Variants in CSMD3 observed in about 807,000 individuals in gnomAD.
CSMD3 encodes CUB and Sushi multiple domains 3.
Under a neutral mutation model 435.2 loss-of-function variants are expected in CSMD3, and 177 were observed. The observed-to-expected ratio is 0.41, with a 90% CI of 0.36 to 0.46. CSMD3 has a LOEUF of 0.46. Ranked by LOEUF, CSMD3 falls within the 20% of genes least tolerant of loss-of-function variation. The pLI, the probability that CSMD3 is intolerant of heterozygous loss-of-function variation, is 0.34. For missense variants in CSMD3, 4,265 were observed against 4,504.6 expected (o/e 0.95, Z 1.52); for synonymous variants, 1,656 against 1,520.5 (o/e 1.09, Z -2.07).
chr8:112,263,576 C>T (rs2130377921), intron 61 of CSMD3, 63 bp downstream of exon 61: 1 of 1,351,322 alleles, frequency 7.4e-7, no homozygotes, highest in Non-Finnish European at 1.0e-6. Flanking sequence ...TTAACAATCT[C>T]ATATTTGGTC....
chr8:112,593,740 A>T (rs1381792259), intron 22 of CSMD3, among the ~76,000 whole-genome samples: 1 of 152,188 alleles, frequency 6.6e-6, no homozygotes, highest in Non-Finnish European at 1.5e-5. Flanking sequence ...AGTAAAGAGA[A>T]GATAGTTTTA....
intron 66 of CSMD3, among the ~76,000 whole-genome samples, chr8:112,241,023 T>C (rs1814077749): frequency 6.6e-6 from 1 of 152,232 alleles, no homozygotes; most frequent in Middle Eastern, 3.4e-3. Context: ...CTTGGGTATA[T>C]CTTTATCAGG....
chr8:112,883,050 G>A (rs957240275), intron 10 of CSMD3, among the ~76,000 whole-genome samples: 4 of 151,822 alleles, frequency 2.6e-5, no homozygotes, highest in Admixed American at 2.6e-4. Flanking sequence ...TGAAGGGAGT[G>A]GTGAATAAAA....
chr8:112,441,821 T>C (rs1404711997), intron 32 of CSMD3, among the ~76,000 whole-genome samples: 1 of 152,140 alleles, frequency 6.6e-6, no homozygotes, highest in Admixed American at 6.5e-5. Context: ...CCACCCACCA[T>C]GATTCAATTA....
At chr8:112,879,872 A>T in intron 10 of CSMD3, among the ~76,000 whole-genome samples, 1 of 151,994 alleles carries the variant, frequency 6.6e-6, no homozygotes, top group East Asian at 1.9e-4. Flanking sequence ...TTGAACAATG[A>T]GAATACATGG....
At chr8:112,685,325 G>T in intron 15 of CSMD3, 81 bp downstream of exon 15, 1 of 1,138,302 alleles carries the variant, frequency 8.8e-7, no homozygotes, top group Non-Finnish European at 1.3e-6. Flanking sequence ...AGGAAACAAG[G>T]GAACCAATAT....
chr8:113,331,009 G>T (rs1246697945), intron 1 of CSMD3, among the ~76,000 whole-genome samples: 2 of 151,610 alleles, frequency 1.3e-5, no homozygotes, highest in Non-Finnish European at 3.0e-5. Flanking sequence ...ACAGAAAAAA[G>T]TTCTCAAAAC....
At chr8:113,423,902 C>T (rs1018675634) in intron 1 of CSMD3, among the ~76,000 whole-genome samples, 1 of 151,726 alleles carries the variant, frequency 6.6e-6, no homozygotes, top group South Asian at 2.1e-4. Flanking sequence ...TAGAAATTCA[C>T]ATAGATATGG....
intron 2 of CSMD3, among the ~76,000 whole-genome samples, chr8:113,298,166 T>C (rs994723070): frequency 6.6e-6 from 1 of 152,112 alleles, no homozygotes; most frequent in South Asian, 2.1e-4. Flanking sequence ...GAAGATATGA[T>C]AGGAATATAG....
At chr8:112,608,948 T>C (rs962379670) in intron 22 of CSMD3, among the ~76,000 whole-genome samples, 3 of 151,766 alleles carry the variant, frequency 2.0e-5, no homozygotes, top group African/African-American at 4.8e-5. Context: ...GATGATTTTT[T>C]GGATAAAACA....
intron 30 of CSMD3, among the ~76,000 whole-genome samples, chr8:112,502,170 G>T (rs1050476605): frequency 6.6e-6 from 1 of 152,152 alleles, no homozygotes; most frequent in Admixed American, 6.5e-5. Flanking sequence ...CAGGTGGTTA[G>T]AGTGGTGTTG....
intron 32 of CSMD3, among the ~76,000 whole-genome samples, chr8:112,411,577 G>T (rs935337739): frequency 1.3e-5 from 2 of 151,954 alleles, no homozygotes; most frequent in Non-Finnish European, 2.9e-5. Flanking sequence ...TTATTTTGTA[G>T]TATGAACAAT....
chr8:112,419,975 T>C (rs1353740629), intron 32 of CSMD3, among the ~76,000 whole-genome samples: 4 of 152,180 alleles, frequency 2.6e-5, no homozygotes, highest in Non-Finnish European at 4.4e-5. Context: ...AATATGTTAT[T>C]AGCACTTTTG....
At chr8:112,830,008 C>A (rs948496990) in intron 11 of CSMD3, among the ~76,000 whole-genome samples, 1 of 151,840 alleles carries the variant, frequency 6.6e-6, no homozygotes, top group Non-Finnish European at 1.5e-5. Context: ...AAAGTTCAAT[C>A]ATATCATTAC....
chr8:112,643,141 C>A (rs1483262409), intron 20 of CSMD3, among the ~76,000 whole-genome samples: 1 of 152,052 alleles, frequency 6.6e-6, no homozygotes, highest in Non-Finnish European at 1.5e-5. Context: ...GTTTGAGGAG[C>A]TTTTGGTTGG....
At chr8:112,734,425 A>C (rs1474642884) in intron 13 of CSMD3, among the ~76,000 whole-genome samples, 1 of 151,966 alleles carries the variant, frequency 6.6e-6, no homozygotes, top group Non-Finnish European at 1.5e-5. Flanking sequence ...GTTACAAAAA[A>C]ATTTTAAGTG....
chr8:112,404,906 G>A (rs562594168), intron 35 of CSMD3, among the ~76,000 whole-genome samples: 6 of 151,326 alleles, frequency 4.0e-5, no homozygotes, highest in South Asian at 4.2e-4. Context: ...AGCTGGGTGC[G>A]GTAGATCACA....
chr8:112,527,011 G>A lies in CSMD3; in HGVS notation c.4565-9786C>T, dbSNP rs955947545. ...AAGAGGTATAGCTAATAAGCTAATA[G>A]AAGAGAAAAAAATGATGGTAAGAAA... On this transcript the variant is annotated intron_variant, in intron 27 of 70. Coordinates refer to ENST00000297405, the MANE Select transcript of CSMD3 (RefSeq NM_198123.2). Among the ~76,000 whole-genome samples the A allele has an allele frequency of 5.3e-5, 8 of 151,722 alleles. 1 individual carries two copies. The highest frequency in any genetic ancestry group is 1.9e-4 in the African/African-American group (8 of 41,464).
intron 3 of CSMD3, among the ~76,000 whole-genome samples, chr8:113,255,914 CAAATT>C (rs956526572): frequency 2.2e-4 from 34 of 151,930 alleles, no homozygotes; most frequent in African/African-American, 8.0e-4. Flanking sequence ...GTGTCAATAA[CAAATT>C]AAAGGAGAAA....
Sources: gnomAD v4.1 joint callset for allele counts (sites outside exome capture counted in the v4.1 genomes callset) on GRCh38, gnomAD v4.1.1 for gene constraint, MANE v1.5 for transcripts, NCBI Gene and HGNC (gene_info 2026-07-23, HGNC 2026-07-21) for gene names.